NSMCE2: variants seen among roughly 807,000 people sequenced by gnomAD.
The protein encoded by NSMCE2 is NSE2 SUMO ligase component of SMC5/6 complex.
NSMCE2 carries 24 observed loss-of-function variants against 23.8 expected under a neutral mutation model. The observed-to-expected ratio is 1.01, with a 90% CI of 0.73 to 1.42. The LOEUF is 1.42. NSMCE2 is among the 40% of genes most tolerant of loss of function. The pLI is 0.00. For synonymous variants in NSMCE2, 92 were observed against 94.1 expected (o/e 0.98, Z 0.13); for missense variants, 284 against 296.5 (o/e 0.96, Z 0.31).
intron 3 of NSMCE2, among the ~76,000 whole-genome samples, chr8:125,148,070 T>C (rs1820790221): frequency 6.6e-6 from 1 of 152,144 alleles, no homozygotes; most frequent in African/African-American, 2.4e-5. Flanking sequence ...TCAGTTCTTT[T>C]TAGAATTTCC....
At chr8:125,170,588 A>G (rs1468340860) in intron 4 of NSMCE2, among the ~76,000 whole-genome samples, 1 of 151,614 alleles carries the variant, frequency 6.6e-6, no homozygotes, top group Non-Finnish European at 1.5e-5. Flanking sequence ...TTGTGTTTTT[A>G]GAAGTGATGG....
intron 4 of NSMCE2, among the ~76,000 whole-genome samples, chr8:125,154,756 A>G (rs1821223149): frequency 6.6e-6 from 1 of 152,164 alleles, no homozygotes; most frequent in South Asian, 2.1e-4. Context: ...GAGCTATAAG[A>G]CAGTACACAG....
intron 3 of NSMCE2, among the ~76,000 whole-genome samples, chr8:125,130,956 C>T (rs1819747260): frequency 6.6e-6 from 1 of 152,170 alleles, no homozygotes; most frequent in South Asian, 2.1e-4. Flanking sequence ...CAAACAAGTT[C>T]ATCAGCTAGC....
At chr8:125,116,830 A>T (rs933065474) in intron 3 of NSMCE2, among the ~76,000 whole-genome samples, 1 of 152,030 alleles carries the variant, frequency 6.6e-6, no homozygotes, top group African/African-American at 2.4e-5. Context: ...TATATGGGCC[A>T]ATGGCCATAC....
At chr8:125,218,414 GTT>G (rs34237629) in intron 5 of NSMCE2, among the ~76,000 whole-genome samples, 40 of 141,592 alleles carry the variant, frequency 2.8e-4, no homozygotes, top group East Asian at 1.4e-3. Flanking sequence ...AAAATTGAGG[GTT>G]TTTTTTTTTT....
intron 5 of NSMCE2, among the ~76,000 whole-genome samples, chr8:125,212,406 C>T (rs1224318316): frequency 6.6e-6 from 1 of 152,020 alleles, no homozygotes; most frequent in African/African-American, 2.4e-5. Context: ...TAAAGTATGA[C>T]CTCCTAGAGC....
intron 3 of NSMCE2, among the ~76,000 whole-genome samples, chr8:125,128,112 T>A (rs952173977): frequency 6.6e-6 from 1 of 152,174 alleles, no homozygotes; most frequent in Admixed American, 6.6e-5. Context: ...TGGAGAGACT[T>A]GGAGAGGGCC....
At chr8:125,358,007 G>A (rs928887586) in intron 7 of NSMCE2, among the ~76,000 whole-genome samples, 189 bp downstream of exon 7, 1 of 152,164 alleles carries the variant, frequency 6.6e-6, no homozygotes, top group Non-Finnish European at 1.5e-5. Context: ...ATCTGTTCAG[G>A]AAGAAGCTGA....
chr8:125,289,514 A>G (rs750933164), intron 5 of NSMCE2, among the ~76,000 whole-genome samples: 2 of 152,202 alleles, frequency 1.3e-5, no homozygotes, highest in Non-Finnish European at 2.9e-5. Context: ...ATCAGAGGGC[A>G]TTCTTGTTAT....
intron 5 of NSMCE2, among the ~76,000 whole-genome samples, chr8:125,274,522 A>G (rs1029311607): frequency 1.2e-4 from 19 of 152,160 alleles, no homozygotes; most frequent in Admixed American, 8.5e-4. Context: ...TTTTTTGCAT[A>G]TGGTCCATAA....
chr8:125,232,141 C>T (rs1435718690), intron 5 of NSMCE2, among the ~76,000 whole-genome samples: 1 of 152,104 alleles, frequency 6.6e-6, no homozygotes, highest in Non-Finnish European at 1.5e-5. Flanking sequence ...GCCGGTGGAT[C>T]ACCTGAGTTG....
intron 5 of NSMCE2, among the ~76,000 whole-genome samples, chr8:125,283,625 A>G (rs1224116496): frequency 6.6e-6 from 1 of 152,210 alleles, no homozygotes; most frequent in Non-Finnish European, 1.5e-5. Flanking sequence ...TATCAATAAG[A>G]TCAGGATAAC....
chr8:125,183,292 A>G (rs553845253), intron 5 of NSMCE2, among the ~76,000 whole-genome samples: 2 of 152,246 alleles, frequency 1.3e-5, no homozygotes, highest in East Asian at 1.9e-4. Flanking sequence ...ACTTTTGTCT[A>G]TTTTACAAAT....
intron 5 of NSMCE2, among the ~76,000 whole-genome samples, chr8:125,199,352 T>C (rs1003311372): frequency 3.9e-5 from 6 of 152,360 alleles, no homozygotes; most frequent in Non-Finnish European, 8.8e-5. Context: ...CTACTTTAAA[T>C]GCATCCCAGA....
intron 5 of NSMCE2, among the ~76,000 whole-genome samples, chr8:125,318,433 C>T (rs1829294704): frequency 6.6e-6 from 1 of 152,134 alleles, no homozygotes; most frequent in African/African-American, 2.4e-5. Context: ...GTTTACCTAT[C>T]AAATTGGAAA....
chr8:125,275,629 TA>T (rs1827420592), intron 5 of NSMCE2, among the ~76,000 whole-genome samples: 1 of 152,172 alleles, frequency 6.6e-6, no homozygotes, highest in Non-Finnish European at 1.5e-5. Flanking sequence ...TCTCTAGACC[TA>T]ATGTTTTATG....
intron 2 of NSMCE2, 73 bp downstream of exon 2, chr8:125,102,219 T>C (rs974922966): frequency 1.2e-6 from 1 of 806,748 alleles, no homozygotes; most frequent in Non-Finnish European, 2.1e-6. Context: ...AGATATTGGA[T>C]ACATTTGTAT....
chr8:125,197,791 AT>A (rs1356479493), intron 5 of NSMCE2, among the ~76,000 whole-genome samples: 1 of 152,152 alleles, frequency 6.6e-6, no homozygotes, highest in Non-Finnish European at 1.5e-5. Context: ...CAGTATGGCC[AT>A]TTTCACTATA....
At chr8:125,168,010 T>C (rs529320713) in intron 4 of NSMCE2, among the ~76,000 whole-genome samples, 4 of 152,326 alleles carry the variant, frequency 2.6e-5, no homozygotes, top group African/African-American at 7.2e-5. Context: ...TCCTTAATCA[T>C]ACAGTTCGGG....
Sources: gnomAD v4.1 joint callset for allele counts (sites outside exome capture counted in the v4.1 genomes callset) on GRCh38, gnomAD v4.1.1 for gene constraint, MANE v1.5 for transcripts, NCBI Gene and HGNC (gene_info 2026-07-23, HGNC 2026-07-21) for gene names.